Variants in UNC80 observed in about 807,000 individuals in gnomAD.
UNC80 encodes unc-80 subunit of NALCN channel complex.
UNC80 carries 164 observed loss-of-function variants against 384.6 expected under a neutral mutation model. The observed-to-expected ratio is 0.43, with a 90% CI of 0.38 to 0.49. The LOEUF (loss-of-function observed/expected upper bound fraction) is 0.49. UNC80 is among the 20% of genes least tolerant of loss of function. UNC80 has a pLI of 0.00. For synonymous variants in UNC80, 1,486 were observed against 1,527.8 expected, an observed-to-expected ratio of 0.97 and a Z score of 0.64; for missense variants, 3,330 against 4,143.0, an observed-to-expected ratio of 0.80 and a Z score of 5.39.
rs138421862 is a variant in UNC80, at chr2:209,777,357, G to T, written c.398G>T (p.Gly133Val). ...APQDCNNERF[G>V]GTDRGSSWGG... ...CAGGACTGCAACAATGAGCGGTTTG[G>T]GGGTACAGACCGAGGCTCCAGCTGG... The change falls in exon 4 of 65, where the codon GGG becomes GTG. Residue 133 changes from glycine to valine, a missense_variant. Gly to Val is a moderately radical substitution (Grantham distance 109). Coordinates refer to ENST00000673920, the MANE Select transcript of UNC80 (RefSeq NM_001371986.1). The T allele has an allele frequency of 1.2e-6, 2 of 1,614,028 alleles. No individual in the cohort carries two copies. Among genetic ancestry groups the T allele is most frequent in the South Asian group, 1.1e-5 (1 of 91,086 alleles).
At chr2:209,874,712 T>C (rs1386930496) in intron 23 of UNC80, among the ~76,000 whole-genome samples, 5 of 152,210 alleles carry the variant, frequency 3.3e-5, no homozygotes, top group Non-Finnish European at 7.3e-5. Flanking sequence ...CAGGGTTACA[T>C]TTATTCTTAT....
intron 18 of UNC80, among the ~76,000 whole-genome samples, chr2:209,837,810 C>T (rs11675733): frequency 0.011 from 1,614 of 146,252 alleles, 15 homozygotes; most frequent in Middle Eastern, 0.019. Flanking sequence ...CTCGCTCTTT[C>T]GCCCAGGCCA....
rs905888450 is a variant in UNC80, at chr2:209,772,061, G to A, written c.-12G>A. On this transcript the variant is annotated 5_prime_UTR_variant, in exon 1 of 65. Transcript: ENST00000673920. ...GCTGGGTCCTGCAGTAGGACTCCCG[G>A]GAGCCACCATTATGGTGAAGAGGAA... is the stretch of plus-strand genomic sequence containing the variant. The A allele has an allele frequency of 2.6e-6, 4 of 1,546,766 alleles. No individual in the cohort carries two copies. The highest frequency in any genetic ancestry group is 1.2e-5 in the South Asian group (1 of 83,966).
intron 26 of UNC80, among the ~76,000 whole-genome samples, chr2:209,889,450 T>C (rs1222945532): frequency 6.6e-6 from 1 of 152,244 alleles, no homozygotes; most frequent in Non-Finnish European, 1.5e-5. Context: ...CACCTTGGCC[T>C]AATTTGGTCA....
chr2:209,817,054 T>C lies in UNC80; in HGVS notation c.1481T>C (p.Phe494Ser). ...TCCCCCACGCGCAGCACATTCTCCTTTGGAAGTTTCTCTGGGCTGGGAGAA... is the reference window on the plus strand; with the variant it reads ...TCCCCCACGCGCAGCACATTCTCCTCTGGAAGTTTCTCTGGGCTGGGAGAA... ...DVSPTRSTFSFGSFSGLGEDR... is the reference protein window; with the variant it reads ...DVSPTRSTFSSGSFSGLGEDR... The change falls in exon 10 of 65, where the codon TTT becomes TCT. Residue 494 changes from phenylalanine (F) to serine (S), a missense_variant. Physicochemically the swap from Phe to Ser is radical, Grantham distance 155. Around this residue, in one of 8 missense-constraint regions of UNC80, gnomAD observed 937 missense variants for 1,026.8 expected, o/e 0.91. Transcript: ENST00000673920. 6.4e-7 allele frequency: 1 copy of C among 1,551,706 alleles called. No individual in the cohort carries two copies.
intron 6 of UNC80, among the ~76,000 whole-genome samples, chr2:209,790,985 A>G (rs1027417542): frequency 2.0e-5 from 3 of 152,194 alleles, no homozygotes; most frequent in African/African-American, 7.2e-5. Context: ...GACATCTTAG[A>G]TACAATGAAA....
In UNC80 at chr2:209,954,158, A is replaced by G. The variant is rs1195975569; in HGVS notation, c.7345A>G (p.Arg2449Gly). ...TCCATGTTACCTACAAAAGCTAAAG[A>G]GGCAGACATCACAGGTGGAGACAGT... Reference protein sequence around the residue: ...LVPCYLQKLKRQTSQVETVPA... With the variant: ...LVPCYLQKLKGQTSQVETVPA... The change falls in exon 48 of 65, where the codon AGG (arginine) becomes GGG (glycine). Residue 2449 changes from arginine to glycine, a missense_variant. Physicochemically the swap from Arg to Gly is moderately radical, Grantham distance 125. Coordinates refer to ENST00000673920, the MANE Select transcript of UNC80 (RefSeq NM_001371986.1). 1 of 1,551,074 alleles carries G rather than the reference A, an allele frequency of 6.4e-7. No homozygotes were observed. Among genetic ancestry groups the G allele is most frequent in the African/African-American group, 1.4e-5 (1 of 73,014 alleles).
At chr2:209,897,531 G>T (rs1020287744) in intron 28 of UNC80, among the ~76,000 whole-genome samples, 1 of 151,960 alleles carries the variant, frequency 6.6e-6, no homozygotes, top group Admixed American at 6.6e-5. Flanking sequence ...CTCTTGGCTA[G>T]ACTCACATCC....
intron 7 of UNC80, among the ~76,000 whole-genome samples, chr2:209,796,853 G>A (rs974990802): frequency 6.6e-5 from 10 of 152,170 alleles, no homozygotes; most frequent in East Asian, 1.9e-4. Context: ...GCGTGAAAAC[G>A]AACTAATACA....
At chr2:209,930,692 G>A (rs2090787971) in intron 37 of UNC80, among the ~76,000 whole-genome samples, 1 of 152,136 alleles carries the variant, frequency 6.6e-6, no homozygotes, top group African/African-American at 2.4e-5. Flanking sequence ...ACTTGCCTGT[G>A]ACCTACACAC....
At chr2:209,941,795 C>T (rs2091649856) in intron 44 of UNC80, among the ~76,000 whole-genome samples, 1 of 152,118 alleles carries the variant, frequency 6.6e-6, no homozygotes, top group Admixed American at 6.6e-5. Flanking sequence ...ACATTCTGGT[C>T]AGGTGTGGTG....
In UNC80 at chr2:209,842,330, C is replaced by CTT; in HGVS notation, c.3358-12_3358-11dup. ...CTTTGAATCTTATCTCTCTACTTTC[C>CTT]TTTTTTTTTCTTTTTTCAGGTCAAA... is the stretch of plus-strand genomic sequence containing the variant. On this transcript the variant is annotated intron_variant, in intron 20 of 64. Coordinates refer to ENST00000673920, the MANE Select transcript of UNC80 (RefSeq NM_001371986.1). 1 of 1,488,482 alleles carries CTT rather than the reference C, an allele frequency of 6.7e-7. No homozygotes were observed. Among genetic ancestry groups the CTT allele is most frequent in the South Asian group, 1.2e-5 (1 of 80,152 alleles). 92.2% of individuals were successfully genotyped at this position (1,488,482 alleles called of 1,614,324 possible).
intron 7 of UNC80, among the ~76,000 whole-genome samples, chr2:209,812,251 G>A (rs2079415545): frequency 6.7e-6 from 1 of 149,830 alleles, no homozygotes; most frequent in African/African-American, 2.5e-5. Context: ...TAGTAGAGAC[G>A]GGGTTTCACC....
At chr2:209,797,375 C>T (rs185119181) in intron 7 of UNC80, among the ~76,000 whole-genome samples, 42 of 152,226 alleles carry the variant, frequency 2.8e-4, no homozygotes, top group African/African-American at 9.9e-4. Context: ...CCTCTGTATC[C>T]ATGTGTTCTC....
intron 7 of UNC80, among the ~76,000 whole-genome samples, chr2:209,812,286 T>C (rs1283430848): frequency 1.3e-5 from 2 of 150,992 alleles, no homozygotes; most frequent in Non-Finnish European, 1.5e-5. Context: ...GGTGTCGACC[T>C]CCTGACCCCG....
chr2:209,840,571 G>A lies in UNC80; in HGVS notation c.3280G>A (p.Gly1094Ser). 19 of 1,551,868 alleles carry A rather than the reference G, an allele frequency of 1.2e-5. No individual in the cohort carries two copies. The highest frequency in any genetic ancestry group is 1.7e-5 in the Non-Finnish European group (19 of 1,147,002). Residue 1094 changes from glycine (G) to serine (S), a missense_variant, in exon 20 of 65, where the codon GGC (glycine) becomes AGC (serine). This residue lies in a region of UNC80 where 801 missense variants were observed against 950.8 expected (regional missense o/e 0.84). Coordinates refer to ENST00000673920, the MANE Select transcript of UNC80 (RefSeq NM_001371986.1). ...GNWLKRSSLS[G>S]LADGVEDLLD... is the part of the protein sequence containing the mutation. ...CTGGCTGAAGAGATCATCCCTCTCA[G>A]GCCTGGCAGATGGTGTGGAGGACCT...
At chr2:209,867,454 A>T (rs1037375056) in intron 22 of UNC80, among the ~76,000 whole-genome samples, 1 of 152,014 alleles carries the variant, frequency 6.6e-6, no homozygotes, top group African/African-American at 2.4e-5. Flanking sequence ...GGTGCTCCAA[A>T]CTTGTATGAG....
intron 22 of UNC80, among the ~76,000 whole-genome samples, chr2:209,865,179 G>C (rs999185275): frequency 6.6e-6 from 1 of 152,066 alleles, no homozygotes; most frequent in Non-Finnish European, 1.5e-5. Flanking sequence ...TAGTTCTGAC[G>C]AGAGAACCTG....
chr2:209,894,137 A>C, intron 26 of UNC80, 26 bp from the exon 27 acceptor site: 2 of 984,674 alleles, frequency 2.0e-6, no homozygotes, highest in Non-Finnish European at 2.4e-6. Context: ...GGGGGGAAAA[A>C]GCCCTATTTT....
Sources: allele counts gnomAD v4.1 joint callset (sites outside exome capture counted in the v4.1 genomes callset), GRCh38; gene constraint gnomAD v4.1.1; regional missense constraint gnomAD v4.1.1; transcripts MANE v1.5; gene names NCBI Gene and HGNC (gene_info 2026-07-23, HGNC 2026-07-21).